The following SDK2 variants were observed in gnomAD, a reference collection of about 807,000 sequenced individuals.
SDK2 encodes the protein protein sidekick-2.
SDK2 carries 105 observed loss-of-function variants against 253.9 expected under a neutral mutation model. The ratio of observed to expected loss-of-function variants is 0.41; its 90% CI spans 0.35 to 0.49. The LOEUF (loss-of-function observed/expected upper bound fraction) is 0.49, where lower values mean the gene tolerates loss of function less well. SDK2 is among the 20% of genes least tolerant of loss of function. The probability of loss-of-function intolerance (pLI) is 0.06; values close to 1 mark genes in which losing one functional copy is unlikely to be tolerated. For synonymous variants in SDK2, 1,249 were observed against 1,234.9 expected (o/e 1.01, Z -0.24); for missense variants, 2,608 against 3,003.0 (o/e 0.87, Z 3.07).
At chr17:73,614,304 G>A (rs1461829073) in intron 1 of SDK2, among the ~76,000 whole-genome samples, 2 of 152,174 alleles carry the variant, frequency 1.3e-5, no homozygotes, top group Non-Finnish European at 2.9e-5. Context: ...CGCTCTTCCA[G>A]AAAGCTTCTC....
chr17:73,495,364 G>A (rs924017072), intron 2 of SDK2, among the ~76,000 whole-genome samples: 5 of 152,254 alleles, frequency 3.3e-5, no homozygotes, highest in African/African-American at 1.2e-4. Context: ...TCCAGAAGGT[G>A]TCTATTGGGA....
Position 73,429,786 on chromosome 17 carries a change from G to C in SDK2, c.1583+725C>G, listed in dbSNP as rs143196892. ...AGAAGGCAGGGACAATCTCCTCCTGGTTTTAGCTTCCAAAGCCTTGGGGGT... is the reference window on the plus strand; with the variant it reads ...AGAAGGCAGGGACAATCTCCTCCTGCTTTTAGCTTCCAAAGCCTTGGGGGT... On this transcript the variant is annotated intron_variant, in intron 12 of 44. Transcript: ENST00000392650. 1.7e-4 allele frequency among the ~76,000 whole-genome samples: 26 copies of C among 152,350 alleles called. 1 individual carries two copies. The highest frequency in any genetic ancestry group is 3.4e-3 in the Middle Eastern group (1 of 294).
intron 1 of SDK2, among the ~76,000 whole-genome samples, chr17:73,603,540 G>C (rs948914605): frequency 3.3e-5 from 5 of 152,166 alleles, no homozygotes; most frequent in African/African-American, 1.2e-4. Context: ...GGCAGGACGG[G>C]CTTCCCAGTG....
intron 1 of SDK2, among the ~76,000 whole-genome samples, chr17:73,572,967 C>G (rs1408039411): frequency 6.6e-6 from 1 of 152,186 alleles, no homozygotes; most frequent in Non-Finnish European, 1.5e-5. Context: ...GACCAGGAAG[C>G]AGAGCACAGG....
At chr17:73,362,572 G>A (rs1425675534) in intron 38 of SDK2, among the ~76,000 whole-genome samples, 2 of 152,002 alleles carry the variant, frequency 1.3e-5, no homozygotes, top group East Asian at 1.9e-4. Flanking sequence ...TTAAATTTTT[G>A]TAGAGACAGG....
chr17:73,521,506 C>A (rs2064079206), intron 1 of SDK2: 1 of 152,260 alleles, frequency 6.6e-6, no homozygotes. Context: ...GTGCTGTGCT[C>A]CTTCCTGTGC....
chr17:73,365,507 G>C (rs2062677246), intron 37 of SDK2, 112 bp from the exon 38 acceptor site: 1 of 1,138,856 alleles, frequency 8.8e-7, no homozygotes, highest in East Asian at 3.0e-5. Flanking sequence ...GGAGGAACAA[G>C]AGCGTGGGGC....
At chr17:73,489,152 T>G (rs2145725843) in intron 2 of SDK2, among the ~76,000 whole-genome samples, 1 of 152,314 alleles carries the variant, frequency 6.6e-6, no homozygotes, top group African/African-American at 2.4e-5. Flanking sequence ...CAGCAGCTGC[T>G]TGTGTTTAGG....
At chr17:73,377,565 T>C (rs532078363) in intron 36 of SDK2, among the ~76,000 whole-genome samples, 111 of 151,708 alleles carry the variant, frequency 7.3e-4, no homozygotes, top group Non-Finnish European at 4.4e-5. Flanking sequence ...TGTGGTTGGT[T>C]AGTGCTTACT....
chr17:73,352,528 G>T lies in SDK2; in HGVS notation c.5703C>A (p.Ile1901=), dbSNP rs752748221. The part of the protein sequence containing the change: ...KPGVSYDFRV[I]AVNDYGFGTP... The stretch of plus-strand genomic sequence containing the variant: ...TGCCGAAACCATAGTCGTTGACCGC[G>T]ATGACCCGGAAGTCATAGCTCACGC... The change falls in exon 41 of 45, where the codon ATC becomes ATA. Residue 1901 remains isoleucine, a synonymous_variant. Transcript: ENST00000392650. This position sits in a 1 kb window ranked among gnomAD's most constrained non-coding sequence, Gnocchi z 4.1. The T allele has an allele frequency of 1.2e-6, 2 of 1,614,000 alleles. No homozygotes were observed. The highest frequency in any genetic ancestry group is 1.7e-6 in the Non-Finnish European group (2 of 1,179,888).
rs142239079 is a variant in SDK2 at position 73,481,670 on chromosome 17, C to G, written c.225-9452G>C. ...TGAGGGCTCGGATGGCACAAAAAGG[C>G]GGAGGGAGGAGGAATGTGCTGTCTT... On this transcript the variant is annotated intron_variant, in intron 2 of 44. Coordinates refer to ENST00000392650, the MANE Select transcript of SDK2 (RefSeq NM_001144952.2). The surrounding 1 kb of genome is among the most constrained non-coding windows in gnomAD (Gnocchi z 4.5). 3.9e-4 allele frequency among the ~76,000 whole-genome samples: 60 copies of G among 152,246 alleles called. No individual in the cohort carries two copies. The East Asian group carries it at 0.011, about 27-fold the overall frequency.
At chr17:73,362,954 T>C (rs376901710) in intron 38 of SDK2, among the ~76,000 whole-genome samples, 1 of 152,252 alleles carries the variant, frequency 6.6e-6, no homozygotes, top group South Asian at 2.1e-4. Flanking sequence ...CCCCGGCATG[T>C]CCCTTAACTT....
chr17:73,525,301 C>T (rs1026810547), intron 1 of SDK2, among the ~76,000 whole-genome samples: 1 of 152,152 alleles, frequency 6.6e-6, no homozygotes, highest in African/African-American at 2.4e-5. Context: ...GAGATCTTTG[C>T]TCACTCTAGC....
Position 73,379,089 on chromosome 17 carries a change from T to G in SDK2, c.4980+88A>C, listed in dbSNP as rs1264267617. 3.1e-6 allele frequency: 3 copies of G among 974,436 alleles called. No individual in the cohort carries two copies. Among genetic ancestry groups the G allele is most frequent in the Middle Eastern group, 4.2e-4 (2 of 4,754 alleles). The allele number at this position is 974,436 out of a possible 1,614,324, so 60.4% of individuals were successfully genotyped here. Reference sequence around the variant, plus strand: ...TGGATGAATGGAGGGCCTGGGGACCTGCCTGCCTCCCACATATCACTCACT... The same window carrying G: ...TGGATGAATGGAGGGCCTGGGGACCGGCCTGCCTCCCACATATCACTCACT... On this transcript the variant is annotated intron_variant, in intron 36 of 44. Coordinates refer to ENST00000392650, the MANE Select transcript of SDK2 (RefSeq NM_001144952.2). The surrounding 1 kb of genome is among the most constrained non-coding windows in gnomAD (Gnocchi z 4.5).
chr17:73,395,452 G>T lies in SDK2; in HGVS notation c.3355-60C>A. The T allele has an allele frequency of 1.4e-6, 2 of 1,402,272 alleles. No individual in the cohort carries two copies. The highest frequency in any genetic ancestry group is 2.0e-6 in the Non-Finnish European group (2 of 995,426). The allele number at this position is 1,402,272 out of a possible 1,614,324, so 86.9% of individuals were successfully genotyped here. Reference sequence around the variant, plus strand: ...GCCAGGCCCCCCACTGTGCAGGGAGGAACTGCCCTGCTACCCTCTCCTCCA... The same window carrying T: ...GCCAGGCCCCCCACTGTGCAGGGAGTAACTGCCCTGCTACCCTCTCCTCCA... On this transcript the variant is annotated intron_variant, in intron 24 of 44. Transcript: ENST00000392650. The surrounding 1 kb of genome is among the most constrained non-coding windows in gnomAD (Gnocchi z 4.3).
intron 1 of SDK2, among the ~76,000 whole-genome samples, chr17:73,566,317 A>ATGTGTGTGTGTGTG (rs763921480): frequency 0.034 from 4,898 of 143,474 alleles, 185 homozygotes; most frequent in African/African-American, 0.092. Context: ...TCTTATATAT[A>ATGTGTGTGTGTGTG]TATGTGTGTG....
At chr17:73,376,006 C>T (rs140164430) in intron 36 of SDK2, among the ~76,000 whole-genome samples, 1,538 of 151,258 alleles carry the variant, frequency 0.01, 28 homozygotes, top group African/African-American at 0.035. Context: ...CCATCCTGGC[C>T]AACATGGTGA....
At chr17:73,397,525 T>C in intron 24 of SDK2, among the ~76,000 whole-genome samples, 1 of 152,192 alleles carries the variant, frequency 6.6e-6, no homozygotes, top group Non-Finnish European at 1.5e-5. Context: ...CACAGGCTTG[T>C]TGTCAGAACA....
intron 1 of SDK2, among the ~76,000 whole-genome samples, chr17:73,634,077 C>T (rs1344417651): frequency 1.3e-5 from 2 of 152,136 alleles, no homozygotes; most frequent in Non-Finnish European, 2.9e-5. Context: ...AATGACAGGT[C>T]TCAGCATCCA....
Sources: gnomAD v4.1 joint callset for allele counts (sites outside exome capture counted in the v4.1 genomes callset) on GRCh38, gnomAD v4.1.1 for gene constraint, Gnocchi (gnomAD v3.1) non-coding constraint, MANE v1.5 for transcripts, NCBI Gene and HGNC (gene_info 2026-07-23, HGNC 2026-07-21) for gene names.